The following SCLT1 variants were observed in gnomAD, a reference collection of about 807,000 sequenced individuals.
SCLT1 encodes sodium channel and clathrin linker 1.
Under a neutral mutation model 112.8 loss-of-function variants are expected in SCLT1, and 78 were observed. The observed-to-expected ratio is 0.69, with a 90% CI of 0.58 to 0.83. The LOEUF (loss-of-function observed/expected upper bound fraction) is 0.83, where lower values mean the gene tolerates loss of function less well. Among genes scored for constraint, SCLT1 ranks in the 40% least tolerant of loss-of-function variants. The pLI, the probability that SCLT1 is intolerant of heterozygous loss-of-function variation, is 0.00. For missense variants in SCLT1, 747 were observed against 770.4 expected, an observed-to-expected ratio of 0.97 and a Z score of 0.36; for synonymous variants, 257 against 254.7, an observed-to-expected ratio of 1.01 and a Z score of -0.09.
In SCLT1 at chr4:129,002,455, CTT is replaced by C. The variant is rs759829415; in HGVS notation, c.426+1284_426+1285del. On this transcript the variant is annotated intron_variant, in intron 6 of 20. Transcript: ENST00000281142. ...TATAATGTTAGAAAAATATAGTACT[CTT>C]AATATTCTGAAAACAATATCAGAAA... Among the ~76,000 whole-genome samples, 34 of 151,890 alleles carry C rather than the reference CTT, an allele frequency of 2.2e-4. 1 individual carries two copies. The highest frequency in any genetic ancestry group is 4.6e-4 in the Admixed American group (7 of 15,234).
intron 9 of SCLT1, chr4:128,971,676 T>TATG (rs1325166693): frequency 1.3e-5 from 2 of 152,148 alleles, no homozygotes; most frequent in Non-Finnish European, 2.9e-5. Flanking sequence ...TAATATTTTA[T>TATG]ATGATGAGGC....
chr4:129,065,084 G>A (rs748903661), intron 2 of SCLT1, among the ~76,000 whole-genome samples: 3 of 151,938 alleles, frequency 2.0e-5, no homozygotes, highest in Non-Finnish European at 2.9e-5. Flanking sequence ...CCTTAAAAGT[G>A]TATATTTGCT....
intron 18 of SCLT1, among the ~76,000 whole-genome samples, chr4:128,903,247 C>T (rs1359048104): frequency 1.3e-5 from 2 of 152,090 alleles, no homozygotes; most frequent in Non-Finnish European, 2.9e-5. Context: ...TTAGCATCAC[C>T]ATAAACACCT....
At chr4:128,963,191 G>A (rs904417238) in intron 11 of SCLT1, among the ~76,000 whole-genome samples, 6 of 151,984 alleles carry the variant, frequency 3.9e-5, no homozygotes, top group African/African-American at 1.2e-4. Flanking sequence ...AGGTAGTGGG[G>A]GTGATGATAC....
intron 2 of SCLT1, among the ~76,000 whole-genome samples, chr4:129,059,409 T>G (rs1001894139): frequency 2.0e-5 from 3 of 152,194 alleles, no homozygotes; most frequent in African/African-American, 7.2e-5. Context: ...GTGATAAGGT[T>G]TGATGCTTTT....
chr4:128,992,796 C>T (rs1299883201), intron 8 of SCLT1, among the ~76,000 whole-genome samples: 6 of 151,942 alleles, frequency 3.9e-5, no homozygotes, highest in Admixed American at 1.3e-4. Context: ...ATAAATGACA[C>T]GTTTTGGAAC....
At chr4:128,981,135 T>C (rs1320371982) in intron 9 of SCLT1, among the ~76,000 whole-genome samples, 1 of 152,180 alleles carries the variant, frequency 6.6e-6, no homozygotes, top group African/African-American at 2.4e-5. Context: ...TGTAGAGAGA[T>C]GGATTTGTAA....
chr4:128,877,075 G>A (rs1732538717), intron 3 of SCLT1, among the ~76,000 whole-genome samples: 1 of 152,160 alleles, frequency 6.6e-6, no homozygotes, highest in Non-Finnish European at 1.5e-5. Flanking sequence ...CCTTGCCAAT[G>A]GTATCTCCAT....
intron 19 of SCLT1, among the ~76,000 whole-genome samples, chr4:128,889,894 A>C (rs566417976): frequency 6.6e-6 from 1 of 152,344 alleles, no homozygotes; most frequent in South Asian, 2.1e-4. Context: ...GTCCTAACAT[A>C]CAAGTGATAA....
At chr4:128,991,564 C>T (rs1742572428) in intron 9 of SCLT1, among the ~76,000 whole-genome samples, 1 of 151,690 alleles carries the variant, frequency 6.6e-6, no homozygotes, top group African/African-American at 2.4e-5. Flanking sequence ...TATTTGTAAA[C>T]TACCCACTGG....
chr4:128,942,078 G>T (rs993951031), intron 17 of SCLT1, among the ~76,000 whole-genome samples: 9 of 152,004 alleles, frequency 5.9e-5, no homozygotes, highest in African/African-American at 1.9e-4. Flanking sequence ...GGCGGTATGG[G>T]TCCTCTCCTT....
rs373860644 is a variant in SCLT1, at chr4:128,895,807, C to T, written c.1830-4670G>A. 1.8e-3 allele frequency among the ~76,000 whole-genome samples: 280 copies of T among 152,316 alleles called. 8 individuals are homozygous for T. The South Asian group carries it at 0.052, about 28-fold the overall frequency. ...CCTAGTCAAAGAAAGGGGTGACAGACGGCACCTGGAAAATCGGGTCACTCC... is the reference window on the plus strand; with the variant it reads ...CCTAGTCAAAGAAAGGGGTGACAGATGGCACCTGGAAAATCGGGTCACTCC... On this transcript the variant is annotated intron_variant, in intron 18 of 20. Transcript: ENST00000281142.
intron 2 of SCLT1, among the ~76,000 whole-genome samples, chr4:129,050,061 A>G (rs950542659): frequency 6.6e-6 from 1 of 152,172 alleles, no homozygotes; most frequent in Non-Finnish European, 1.5e-5. Flanking sequence ...CCTGCAAAGC[A>G]CATGAACTCA....
At chr4:128,926,831 G>A (rs1466323511) in intron 18 of SCLT1, among the ~76,000 whole-genome samples, 1 of 151,800 alleles carries the variant, frequency 6.6e-6, no homozygotes, top group Non-Finnish European at 1.5e-5. Context: ...GAAATTAATG[G>A]TGCTAATATG....
intron 11 of SCLT1, among the ~76,000 whole-genome samples, chr4:128,962,426 A>C (rs1046988237): frequency 6.6e-6 from 1 of 152,178 alleles, no homozygotes; most frequent in Non-Finnish European, 1.5e-5. Flanking sequence ...TATCTGCCTC[A>C]AATCTTAAGA....
chr4:128,890,933 T>A (rs1403246820), intron 19 of SCLT1, 126 bp downstream of exon 19: 3 of 630,010 alleles, frequency 4.8e-6, no homozygotes, highest in East Asian at 5.4e-5. Flanking sequence ...GCTTTTAGGG[T>A]TATGGATGAT....
chr4:128,991,578 A>G (rs1398152838), intron 9 of SCLT1, among the ~76,000 whole-genome samples: 2 of 151,860 alleles, frequency 1.3e-5, no homozygotes, highest in Non-Finnish European at 2.9e-5. Context: ...CCACTGGACA[A>G]GGGATTAATA....
chr4:129,087,125 T>A (rs1374091962), intron 1 of SCLT1, among the ~76,000 whole-genome samples: 1 of 151,856 alleles, frequency 6.6e-6, no homozygotes, highest in East Asian at 1.9e-4. Context: ...TATTAAGAGG[T>A]GGAGCTGAGA....
chr4:128,893,560 T>C (rs1733489068), intron 18 of SCLT1, among the ~76,000 whole-genome samples: 1 of 152,194 alleles, frequency 6.6e-6, no homozygotes, highest in Non-Finnish European at 1.5e-5. Flanking sequence ...CATTTTTTTT[T>C]GAGATGGAGT....
Sources: allele counts gnomAD v4.1 joint callset (sites outside exome capture counted in the v4.1 genomes callset), GRCh38; gene constraint gnomAD v4.1.1; transcripts MANE v1.5; gene names NCBI Gene and HGNC (gene_info 2026-07-23, HGNC 2026-07-21).